RAD54B: variants seen among roughly 807,000 people sequenced by gnomAD.
The protein encoded by RAD54B is RAD54 homolog B.
In RAD54B, 78 loss-of-function variants were observed where a neutral mutation model predicts 95.8. That is an observed-to-expected ratio of 0.81 (90% confidence interval 0.68 to 0.98). RAD54B has a LOEUF of 0.98. Ranked by LOEUF, RAD54B falls within the 50% of genes least tolerant of loss-of-function variation. RAD54B has a pLI of 0.00. For synonymous variants in RAD54B, 328 were observed against 354.9 expected (o/e 0.92, Z 0.85); for missense variants, 957 against 1,056.6 (o/e 0.91, Z 1.31).
intron 3 of RAD54B, among the ~76,000 whole-genome samples, chr8:94,456,413 T>TA (rs980729130): frequency 1.3e-5 from 2 of 152,196 alleles, no homozygotes; most frequent in East Asian, 3.8e-4. Flanking sequence ...TAACAATGTG[T>TA]GGTTATGCAG....
At position 94,398,963 on chromosome 8, in the gene RAD54B, T is replaced by C. The variant is rs193124601; in HGVS notation, c.1378+451A>G. Among the ~76,000 whole-genome samples, 404 of 152,238 alleles carry C rather than the reference T, an allele frequency of 2.7e-3. 4 individuals are homozygous for C. Among genetic ancestry groups the C allele is most frequent in the Non-Finnish European group, 3.9e-3 (263 of 67,984 alleles). ...GTCAGGTAGTTATAAATAACTGATA[T>C]TAAACACTTACCACGTGTCAGGTAG... is the stretch of plus-strand genomic sequence containing the variant. On this transcript the variant is annotated intron_variant, in intron 8 of 14. Transcript: ENST00000336148.
chr8:94,466,444 G>A (rs1000017168), intron 2 of RAD54B, among the ~76,000 whole-genome samples: 3 of 149,676 alleles, frequency 2.0e-5, no homozygotes, highest in Non-Finnish European at 4.4e-5. Context: ...GTCTTGCTCT[G>A]TCACCCAGGC....
chr8:94,421,297 C>T (rs1469905891), intron 3 of RAD54B, among the ~76,000 whole-genome samples: 2 of 152,146 alleles, frequency 1.3e-5, no homozygotes. Flanking sequence ...GATTCTCTAA[C>T]ATCCTTCAAA....
chr8:94,467,285 G>A, intron 2 of RAD54B, 120 bp downstream of exon 2: 1 of 886,938 alleles, frequency 1.1e-6, no homozygotes, highest in Non-Finnish European at 1.6e-6. Flanking sequence ...TTTAGAAGAT[G>A]TTTTCAGAGA....
At chr8:94,441,612 G>A (rs1308099270) in intron 3 of RAD54B, among the ~76,000 whole-genome samples, 5 of 152,116 alleles carry the variant, frequency 3.3e-5, no homozygotes, top group Non-Finnish European at 7.3e-5. Flanking sequence ...AGGGCTTTGG[G>A]CTTTTTAAGA....
Position 94,467,400 on chromosome 8 carries a change from C to T in RAD54B, c.135+5G>A, listed in dbSNP as rs752133984. The T allele has an allele frequency of 1.3e-6, 2 of 1,594,830 alleles. No individual in the cohort carries two copies. Among genetic ancestry groups the T allele is most frequent in the East Asian group, 4.5e-5 (2 of 44,704 alleles). On this transcript the variant is annotated splice_donor_5th_base_variant and intron_variant, in intron 2 of 14. Transcript: ENST00000336148. The stretch of plus-strand genomic sequence containing the variant: ...ATCTATATCATGAGTCTTTTTTTGC[C>T]TTACCTCAAATAATTTTATATCTGG...
intron 14 of RAD54B, among the ~76,000 whole-genome samples, chr8:94,374,201 C>T (rs1306997265): frequency 1.3e-5 from 2 of 152,016 alleles, no homozygotes; most frequent in Non-Finnish European, 2.9e-5. Context: ...ATGGCGTTAA[C>T]CCGGGAGGCG....
intron 2 of RAD54B, among the ~76,000 whole-genome samples, chr8:94,460,885 T>G (rs1462038704): frequency 6.6e-6 from 1 of 152,128 alleles, no homozygotes; most frequent in Non-Finnish European, 1.5e-5. Context: ...TCTCTGATCC[T>G]CTTCCCTCTC....
intron 14 of RAD54B, among the ~76,000 whole-genome samples, chr8:94,374,037 C>A (rs539132467): frequency 6.6e-6 from 1 of 152,014 alleles, no homozygotes; most frequent in Admixed American, 6.6e-5. Flanking sequence ...CCCAGCACTT[C>A]GGGAGGCCAA....
At chr8:94,428,192 T>G in intron 3 of RAD54B, 1 of 836,070 alleles carries the variant, frequency 1.2e-6, no homozygotes, top group Non-Finnish European at 1.4e-6. Flanking sequence ...TCTATATACT[T>G]AGTATATTTA....
chr8:94,391,227 GA>G (rs912583257), intron 10 of RAD54B, among the ~76,000 whole-genome samples: 3 of 151,462 alleles, frequency 2.0e-5, no homozygotes, highest in Non-Finnish European at 2.9e-5. Context: ...TTCAAAATGA[GA>G]AAAAAATAAA....
Position 94,372,167 on chromosome 8 carries a change from T to A in RAD54B, c.*3A>T. The A allele has an allele frequency of 1.3e-6, 2 of 1,591,562 alleles. No homozygotes were observed. Among genetic ancestry groups the A allele is most frequent in the South Asian group, 2.3e-5 (2 of 85,920 alleles). On this transcript the variant is annotated 3_prime_UTR_variant, in exon 15 of 15. Transcript: ENST00000336148. The stretch of plus-strand genomic sequence containing the variant: ...GCAATGGAATGTCAGAAGTAATCTT[T>A]CACTATGTGCCAGTAGCTTGAGTGG...
At chr8:94,464,291 C>T (rs1226670020) in intron 2 of RAD54B, among the ~76,000 whole-genome samples, 1 of 152,132 alleles carries the variant, frequency 6.6e-6, no homozygotes, top group Non-Finnish European at 1.5e-5. Flanking sequence ...AACATGAGAA[C>T]TCAAACGTGC....
chr8:94,446,842 T>C (rs1315517892), intron 3 of RAD54B, among the ~76,000 whole-genome samples: 7 of 152,058 alleles, frequency 4.6e-5, no homozygotes, highest in Non-Finnish European at 2.9e-5. Context: ...CCCTCATTCC[T>C]CAGATGAAGC....
intron 6 of RAD54B, among the ~76,000 whole-genome samples, chr8:94,401,045 T>C (rs558853226): frequency 6.6e-6 from 1 of 152,304 alleles, no homozygotes; most frequent in East Asian, 1.9e-4. Context: ...TTAGAGATAT[T>C]ATTAGTAAGA....
chr8:94,398,813 C>T (rs1191911296), intron 8 of RAD54B, among the ~76,000 whole-genome samples: 1 of 152,012 alleles, frequency 6.6e-6, no homozygotes, highest in Non-Finnish European at 1.5e-5. Flanking sequence ...AGAGGATTCT[C>T]GTATTTACCA....
intron 8 of RAD54B, among the ~76,000 whole-genome samples, chr8:94,397,580 G>A (rs1220301248): frequency 6.6e-6 from 1 of 152,008 alleles, no homozygotes; most frequent in Non-Finnish European, 1.5e-5. Flanking sequence ...ATTTAATTTG[G>A]AATGTTAAAT....
chr8:94,400,012 AC>A (rs1311199556), intron 7 of RAD54B, among the ~76,000 whole-genome samples: 1 of 151,236 alleles, frequency 6.6e-6, no homozygotes, highest in African/African-American at 2.4e-5. Flanking sequence ...AAACCTAACT[AC>A]CTCCCAAGCC....
intron 2 of RAD54B, among the ~76,000 whole-genome samples, chr8:94,461,794 A>G (rs971340519): frequency 1.3e-5 from 2 of 152,168 alleles, no homozygotes; most frequent in African/African-American, 4.8e-5. Context: ...CTTCGCCTCT[A>G]AATACTTCAA....
Sources: gnomAD v4.1 joint callset for allele counts (sites outside exome capture counted in the v4.1 genomes callset) on GRCh38, gnomAD v4.1.1 for gene constraint, MANE v1.5 for transcripts, NCBI Gene and HGNC (gene_info 2026-07-23, HGNC 2026-07-21) for gene names.